CDC14A: variants seen among roughly 807,000 people sequenced by gnomAD.
CDC14A encodes the protein cell division cycle 14A, also known as dual specificity protein phosphatase CDC14A.
In CDC14A, 53 loss-of-function variants were observed where a neutral mutation model predicts 74.4. The ratio of observed to expected loss-of-function variants is 0.71; its 90% CI spans 0.57 to 0.89. The LOEUF (loss-of-function observed/expected upper bound fraction) is 0.89, where lower values mean the gene tolerates loss of function less well. Among genes scored for constraint, CDC14A ranks in the 40% least tolerant of loss-of-function variants. The pLI is 0.00. For synonymous variants in CDC14A, 247 were observed against 258.4 expected (o/e 0.96, Z 0.43); for missense variants, 646 against 713.7 (o/e 0.91, Z 1.08).
intron 10 of CDC14A, among the ~76,000 whole-genome samples, chr1:100,477,363 A>G (rs1025858993): frequency 6.6e-6 from 1 of 151,922 alleles, no homozygotes; most frequent in African/African-American, 2.4e-5. Context: ...AATTTGGAGT[A>G]TTTAATTCCA....
intron 4 of CDC14A, among the ~76,000 whole-genome samples, chr1:100,412,728 T>TA (rs1214979698): frequency 1.0e-5 from 1 of 98,238 alleles, no homozygotes; most frequent in Non-Finnish European, 2.0e-5. Context: ...ATATATTTTA[T>TA]ATATATATAT....
At chr1:100,421,536 C>G (rs1662364303) in intron 4 of CDC14A, among the ~76,000 whole-genome samples, 1 of 152,080 alleles carries the variant, frequency 6.6e-6, no homozygotes, top group African/African-American at 2.4e-5. Context: ...CCTTCTGATC[C>G]TTCCCCTGCC....
Position 100,377,553 on chromosome 1 carries a change from G to A in CDC14A, c.148G>A (p.Ala50Thr), listed in dbSNP as rs760807328. ...DEELVYENFY[A>T]DFGPLNLAMV... Reference sequence around the variant, plus strand: ...GTTTTTCTTGTATCTTAGTTTCTATGCAGATTTTGGACCGCTGAACTTGGC... The same window carrying A: ...GTTTTTCTTGTATCTTAGTTTCTATACAGATTTTGGACCGCTGAACTTGGC... Residue 50 changes from alanine (A) to threonine (T), a missense_variant, in exon 3 of 16, where the codon GCA becomes ACA. Ala to Thr is a moderately conservative substitution (Grantham distance 58). Coordinates refer to ENST00000336454, the MANE Select transcript of CDC14A (RefSeq NM_003672.4). The A allele has an allele frequency of 6.2e-7, 1 of 1,611,646 alleles. No homozygotes were observed. Among genetic ancestry groups the A allele is most frequent in the East Asian group, 2.2e-5 (1 of 44,846 alleles).
intron 4 of CDC14A, among the ~76,000 whole-genome samples, chr1:100,391,765 A>G (rs1657739248): frequency 6.6e-6 from 1 of 152,240 alleles, no homozygotes; most frequent in African/African-American, 2.4e-5. Flanking sequence ...GCCCAGCAGT[A>G]TTGCTGGAAA....
chr1:100,453,695 A>G (rs1425135284), intron 7 of CDC14A, among the ~76,000 whole-genome samples: 1 of 152,194 alleles, frequency 6.6e-6, no homozygotes, highest in African/African-American at 2.4e-5. Context: ...GCTGGAGTGC[A>G]ATGGTGCAAA....
intron 15 of CDC14A, chr1:100,504,866 T>C: frequency 1.3e-6 from 2 of 1,535,590 alleles, no homozygotes; most frequent in Non-Finnish European, 1.7e-6. Context: ...AGCCCCCTGC[T>C]CTCCTTACCA....
intron 4 of CDC14A, among the ~76,000 whole-genome samples, chr1:100,412,696 T>TTATATATATATA (rs139550432): frequency 1.3e-5 from 1 of 74,138 alleles, no homozygotes; most frequent in African/African-American, 1.2e-4. Context: ...CCTGTATGTT[T>TTATATATATATA]TATATATATA....
At chr1:100,402,073 G>A (rs1659336317) in intron 4 of CDC14A, among the ~76,000 whole-genome samples, 1 of 151,578 alleles carries the variant, frequency 6.6e-6, no homozygotes, top group Non-Finnish European at 1.5e-5. Flanking sequence ...GCTTGAAAGA[G>A]GAATACTAGA....
At chr1:100,412,755 T>TA (rs1553179010) in intron 4 of CDC14A, among the ~76,000 whole-genome samples, 2 of 94,274 alleles carry the variant, frequency 2.1e-5, no homozygotes, top group Admixed American at 1.0e-4. Context: ...TATATATATT[T>TA]TATATATATA....
intron 5 of CDC14A, among the ~76,000 whole-genome samples, chr1:100,439,106 C>A (rs1664644647): frequency 2.0e-5 from 3 of 152,190 alleles, no homozygotes; most frequent in Admixed American, 2.0e-4. Context: ...AGCAGGTCTG[C>A]TAAATTGCTC....
chr1:100,370,077 G>A (rs375555409), intron 2 of CDC14A, among the ~76,000 whole-genome samples: 7 of 151,918 alleles, frequency 4.6e-5, no homozygotes, highest in Non-Finnish European at 8.8e-5. Flanking sequence ...TCGACCTCCC[G>A]GGCTCAAGCA....
intron 14 of CDC14A, 47 bp from the exon 15 acceptor site, chr1:100,498,882 T>C: frequency 6.4e-7 from 1 of 1,568,772 alleles, no homozygotes. Flanking sequence ...TGTGTGATTG[T>C]ACATTGTTGT....
intron 4 of CDC14A, among the ~76,000 whole-genome samples, chr1:100,415,500 A>G (rs748366851): frequency 3.3e-4 from 50 of 152,188 alleles, no homozygotes; most frequent in Non-Finnish European, 6.3e-4. Flanking sequence ...CTTAACTTCT[A>G]TGATTAGCCT....
At chr1:100,374,034 TA>T (rs1329655157) in intron 2 of CDC14A, among the ~76,000 whole-genome samples, 1 of 152,104 alleles carries the variant, frequency 6.6e-6, no homozygotes, top group African/African-American at 2.4e-5. Context: ...AATTTCCACC[TA>T]TGAGTGAGAA....
At position 100,352,631 on chromosome 1, in the gene CDC14A, C is replaced by T; in HGVS notation, c.-324C>T. ...TTGGAAGCCGGGGGAAGACTTTGCCCTGCCCTGAGAGCTGGTCTGCGTTTC... is the reference window on the plus strand; with the variant it reads ...TTGGAAGCCGGGGGAAGACTTTGCCTTGCCCTGAGAGCTGGTCTGCGTTTC... On this transcript the variant is annotated 5_prime_UTR_variant, in exon 1 of 16. Coordinates refer to ENST00000336454, the MANE Select transcript of CDC14A (RefSeq NM_003672.4). 1 of 1,209,540 alleles carries T rather than the reference C, an allele frequency of 8.3e-7. No individual in the cohort carries two copies. The highest frequency in any genetic ancestry group is 1.0e-6 in the Non-Finnish European group (1 of 970,424). 74.9% of individuals were successfully genotyped at this position (1,209,540 alleles called of 1,614,324 possible). A position where few individuals can be genotyped will look rare whatever the true frequency, so the allele number is the denominator to read the frequency against.
intron 9 of CDC14A, among the ~76,000 whole-genome samples, chr1:100,467,421 G>A (rs750528666): frequency 2.7e-5 from 3 of 110,530 alleles, no homozygotes; most frequent in African/African-American, 6.6e-5. Context: ...ACACACACAC[G>A]CATATGCACA....
chr1:100,511,427 C>T (rs1272125163), intron 15 of CDC14A, among the ~76,000 whole-genome samples: 1 of 152,172 alleles, frequency 6.6e-6, no homozygotes, highest in East Asian at 1.9e-4. Flanking sequence ...CTGATGGGCT[C>T]CTGTTAGTCC....
intron 3 of CDC14A, among the ~76,000 whole-genome samples, chr1:100,389,086 G>A (rs933855242): frequency 6.2e-5 from 9 of 145,590 alleles, no homozygotes; most frequent in Admixed American, 5.5e-4. Context: ...GAGGTGAGAG[G>A]ATCGATTGAG....
chr1:100,351,008 A>T (rs578234747), upstream of CDC14A, among the ~76,000 whole-genome samples: 1 of 152,330 alleles, frequency 6.6e-6, no homozygotes, highest in South Asian at 2.1e-4. Context: ...AGCCTGGCCA[A>T]CATGGCAAAA....
Sources: allele counts gnomAD v4.1 joint callset (sites outside exome capture counted in the v4.1 genomes callset), GRCh38; gene constraint gnomAD v4.1.1; transcripts MANE v1.5; gene names NCBI Gene and HGNC (gene_info 2026-07-23, HGNC 2026-07-21).